Variants in STK17A observed in about 807,000 individuals in gnomAD.
The protein encoded by STK17A is serine/threonine kinase 17a, also known as serine/threonine-protein kinase 17A.
STK17A carries 26 observed loss-of-function variants against 43.7 expected under a neutral mutation model. The ratio of observed to expected loss-of-function variants is 0.60; its 90% CI spans 0.44 to 0.83. The LOEUF (loss-of-function observed/expected upper bound fraction) is 0.83, where lower values mean the gene tolerates loss of function less well. STK17A is among the 40% of genes least tolerant of loss of function. The pLI, the probability that STK17A is intolerant of heterozygous loss-of-function variation, is 0.00. For synonymous variants in STK17A, 191 were observed against 182.5 expected (o/e 1.05, Z -0.38); for missense variants, 476 against 511.6 (o/e 0.93, Z 0.67).
chr7:43,624,460 G>A, intron 6 of STK17A, 58 bp from the exon 7 acceptor site: 3 of 1,498,938 alleles, frequency 2.0e-6, no homozygotes, highest in Non-Finnish European at 2.7e-6. Flanking sequence ...AGTACCTTAT[G>A]CTCTAATTTT....
chr7:43,583,146 A>T lies in STK17A; in HGVS notation c.-98A>T. Reference sequence around the variant, plus strand: ...CGCGCTGGGGAGAGCGGGTGTTTGAAGGCTCCGCGGACCGGCACTAGGAGC... The same window carrying T: ...CGCGCTGGGGAGAGCGGGTGTTTGATGGCTCCGCGGACCGGCACTAGGAGC... On this transcript the variant is annotated 5_prime_UTR_variant, in exon 1 of 7. It adds an upstream start codon to the 5' untranslated region. Coordinates refer to ENST00000319357, the MANE Select transcript of STK17A (RefSeq NM_004760.3). The T allele has an allele frequency of 7.5e-7, 1 of 1,332,938 alleles. No individual in the cohort carries two copies. The highest frequency in any genetic ancestry group is 1.0e-6 in the Non-Finnish European group (1 of 978,524). The allele number at this position is 1,332,938 out of a possible 1,614,324, so 82.6% of individuals were successfully genotyped here.
At chr7:43,597,035 T>G (rs1028374157) in intron 2 of STK17A, among the ~76,000 whole-genome samples, 1 of 151,854 alleles carries the variant, frequency 6.6e-6, no homozygotes, top group African/African-American at 2.4e-5. Flanking sequence ...CAAAAAAGAC[T>G]TAATACATCA....
chr7:43,607,964 GA>G (rs1350118562), intron 2 of STK17A, among the ~76,000 whole-genome samples: 1 of 152,072 alleles, frequency 6.6e-6, no homozygotes, highest in Non-Finnish European at 1.5e-5. Context: ...ACCGTGTTTT[GA>G]TTCAGGTTGT....
chr7:43,620,453 T>A (rs896395212), intron 4 of STK17A, among the ~76,000 whole-genome samples: 19 of 152,134 alleles, frequency 1.2e-4, no homozygotes, highest in African/African-American at 3.9e-4. Flanking sequence ...GGTGGGCAGA[T>A]CACTTGAGGC....
intron 3 of STK17A, among the ~76,000 whole-genome samples, chr7:43,614,914 A>G (rs1289058714): frequency 6.6e-6 from 1 of 152,268 alleles, no homozygotes; most frequent in African/African-American, 2.4e-5. Context: ...GTGTAAATAC[A>G]TAAAAGGGAA....
At chr7:43,586,155 T>C (rs982502880) in intron 1 of STK17A, among the ~76,000 whole-genome samples, 1 of 151,608 alleles carries the variant, frequency 6.6e-6, no homozygotes, top group Admixed American at 6.6e-5. Context: ...GTTAATAGTT[T>C]AATGATGTGG....
chr7:43,596,155 A>G, intron 2 of STK17A, 42 bp downstream of exon 2: 7 of 1,553,632 alleles, frequency 4.5e-6, no homozygotes, highest in Non-Finnish European at 6.1e-6. Flanking sequence ...TTGGTAGTCT[A>G]CACTTCCTTT....
At chr7:43,624,248 A>G (rs143444908) in intron 6 of STK17A, among the ~76,000 whole-genome samples, 1 of 152,332 alleles carries the variant, frequency 6.6e-6, no homozygotes, top group African/African-American at 2.4e-5. Context: ...GCTAATCTCT[A>G]GCAGATACTT....
chr7:43,597,552 A>AT (rs2082526081), intron 2 of STK17A, among the ~76,000 whole-genome samples: 1 of 152,052 alleles, frequency 6.6e-6, no homozygotes, highest in Admixed American at 6.5e-5. Flanking sequence ...TGCCTGGCTA[A>AT]TTTTTTGTAT....
Position 43,624,779 on chromosome 7 carries a change from T to G in STK17A, c.1182T>G (p.Ile394Met). ...SEKEKMEQKA[I>M]SKRFKFEEPL... ...AAGAGAAAATGGAGCAAAAGGCCAT[T>G]TCCAAACGATTTAAATTTGAGGAAC... is the stretch of plus-strand genomic sequence containing the variant. Residue 394 changes from isoleucine (I) to methionine (M), a missense_variant, in exon 7 of 7, where the codon ATT becomes ATG. This residue lies in a region of STK17A where 110 missense variants were observed against 103.7 expected (regional missense o/e 1.06). Transcript: ENST00000319357. The G allele has an allele frequency of 6.2e-7, 1 of 1,612,172 alleles. No individual in the cohort carries two copies. Among genetic ancestry groups the G allele is most frequent in the Non-Finnish European group, 8.5e-7 (1 of 1,178,956 alleles).
chr7:43,617,853 C>G (rs1321193936), intron 3 of STK17A, among the ~76,000 whole-genome samples: 1 of 152,060 alleles, frequency 6.6e-6, no homozygotes, highest in Non-Finnish European at 1.5e-5. Flanking sequence ...AGAAGGTGGC[C>G]CATCAGAGGA....
intron 1 of STK17A, among the ~76,000 whole-genome samples, chr7:43,583,884 A>C (rs1352563286): frequency 6.6e-6 from 1 of 152,152 alleles, no homozygotes; most frequent in African/African-American, 2.4e-5. Flanking sequence ...TTTTAATAAA[A>C]TACAGCATCC....
At chr7:43,605,639 T>C (rs2082583754) in intron 2 of STK17A, among the ~76,000 whole-genome samples, 2 of 151,898 alleles carry the variant, frequency 1.3e-5, no homozygotes, top group African/African-American at 4.8e-5. Flanking sequence ...TCTTCTCAGC[T>C]TAGCATGGCT....
At chr7:43,589,042 CAGT>C (rs1192542835) in intron 1 of STK17A, among the ~76,000 whole-genome samples, 7 of 151,300 alleles carry the variant, frequency 4.6e-5, no homozygotes, top group African/African-American at 1.7e-4. Flanking sequence ...GATGGAATTT[CAGT>C]AGTAGTTGCC....
chr7:43,593,148 G>T (rs1478469662), intron 1 of STK17A, among the ~76,000 whole-genome samples: 1 of 152,166 alleles, frequency 6.6e-6, no homozygotes, highest in Non-Finnish European at 1.5e-5. Flanking sequence ...ACTTAAAAGT[G>T]AAAACAGGCA....
chr7:43,588,896 A>G (rs1378427545), intron 1 of STK17A, among the ~76,000 whole-genome samples: 1 of 151,560 alleles, frequency 6.6e-6, no homozygotes, highest in Non-Finnish European at 1.5e-5. Context: ...TATCAAGTAC[A>G]TAAAAGCACT....
At chr7:43,589,219 C>T (rs964103243) in intron 1 of STK17A, among the ~76,000 whole-genome samples, 2 of 151,414 alleles carry the variant, frequency 1.3e-5, no homozygotes, top group South Asian at 4.1e-4. Flanking sequence ...TATTTGCACA[C>T]CTGCCATGTG....
At chr7:43,623,924 A>G (rs1476096972) in intron 6 of STK17A, 36 bp downstream of exon 6, 6 of 1,301,704 alleles carry the variant, frequency 4.6e-6, no homozygotes, top group Non-Finnish European at 5.0e-6. Flanking sequence ...TATTGAACTA[A>G]TTCAATATTA....
intron 4 of STK17A, 30 bp downstream of exon 4, chr7:43,619,753 G>A: frequency 1.9e-6 from 3 of 1,609,756 alleles, no homozygotes; most frequent in Non-Finnish European, 2.5e-6. Context: ...GTTTTGTTCT[G>A]GGGTCAGGCA....
Sources: gnomAD v4.1 joint callset for allele counts (sites outside exome capture counted in the v4.1 genomes callset) on GRCh38, gnomAD v4.1.1 for gene constraint, gnomAD v4.1.1 regional missense constraint, MANE v1.5 for transcripts, NCBI Gene and HGNC (gene_info 2026-07-23, HGNC 2026-07-21) for gene names.